SMIM35: variants seen among roughly 807,000 people sequenced by gnomAD.
The protein encoded by SMIM35 is TMPRSS4 antisense RNA 1 (non-protein coding).
intron 1 of SMIM35, among the ~76,000 whole-genome samples, chr11:118,037,233 G>T (rs1047850795): frequency 1.3e-5 from 2 of 152,194 alleles, no homozygotes; most frequent in Non-Finnish European, 2.9e-5. Context: ...GGATGCCTTC[G>T]ATGTCATTAA....
intron 1 of SMIM35, among the ~76,000 whole-genome samples, chr11:118,033,489 C>T (rs11822445): frequency 1.3e-5 from 2 of 152,016 alleles, no homozygotes; most frequent in Non-Finnish European, 2.9e-5. Context: ...TACAAACTGC[C>T]TTCTCTGTAT....
At chr11:118,057,457 G>A (rs1944331549) in intron 1 of SMIM35, among the ~76,000 whole-genome samples, 1 of 152,188 alleles carries the variant, frequency 6.6e-6, no homozygotes, top group Non-Finnish European at 1.5e-5. Context: ...TGTGGGGAAA[G>A]AACTGACCGT....
intron 1 of SMIM35, among the ~76,000 whole-genome samples, chr11:118,083,984 G>A (rs140411019): frequency 8.9e-4 from 135 of 152,274 alleles, no homozygotes; most frequent in African/African-American, 3.2e-3. Flanking sequence ...GTTGCAGTGA[G>A]CCGAGACAGC....
intron 1 of SMIM35, among the ~76,000 whole-genome samples, chr11:118,075,576 C>T (rs1271897812): frequency 6.6e-6 from 1 of 152,236 alleles, no homozygotes; most frequent in Non-Finnish European, 1.5e-5. Context: ...CCCGAAACTA[C>T]TTCATGTCCA....
At chr11:118,047,562 C>A (rs1944119251) in intron 1 of SMIM35, among the ~76,000 whole-genome samples, 1 of 152,148 alleles carries the variant, frequency 6.6e-6, no homozygotes, top group Non-Finnish European at 1.5e-5. Flanking sequence ...ACACCCACAG[C>A]CGGCCACAGC....
chr11:118,069,018 C>A (rs58480134), intron 1 of SMIM35, among the ~76,000 whole-genome samples: 6,122 of 152,280 alleles, frequency 0.04, 303 homozygotes, highest in African/African-American at 0.12. Context: ...TAACGGACCA[C>A]CATTGACTCA....
intron 1 of SMIM35, among the ~76,000 whole-genome samples, chr11:118,034,826 CCTT>C (rs2058346684): frequency 6.6e-6 from 1 of 152,230 alleles, no homozygotes; most frequent in Admixed American, 6.5e-5. Context: ...GAGCCAACCA[CCTT>C]ATTATAACAC....
chr11:118,074,583 C>T (rs936354247), intron 1 of SMIM35, among the ~76,000 whole-genome samples: 6 of 151,780 alleles, frequency 4.0e-5, no homozygotes, highest in African/African-American at 1.2e-4. Context: ...CCTGTATCTA[C>T]AAAAAATACA....
At chr11:118,085,348 C>T (rs553758568) in intron 1 of SMIM35, among the ~76,000 whole-genome samples, 3 of 151,772 alleles carry the variant, frequency 2.0e-5, no homozygotes, top group Non-Finnish European at 2.9e-5. Flanking sequence ...CTCAGCCTCC[C>T]GAGTAGCTGG....
At chr11:118,023,004 C>T (rs1259325500) in intron 1 of SMIM35, among the ~76,000 whole-genome samples, 2 of 151,100 alleles carry the variant, frequency 1.3e-5, no homozygotes, top group Non-Finnish European at 2.9e-5. Flanking sequence ...AAAACCAAGA[C>T]CCAAAAAGGT....
At chr11:118,080,479 C>G (rs904402251) in intron 1 of SMIM35, among the ~76,000 whole-genome samples, 2 of 152,162 alleles carry the variant, frequency 1.3e-5, no homozygotes, top group African/African-American at 4.8e-5. Context: ...CCAGCCTGAC[C>G]CTGGGGGTCA....
At chr11:118,048,898 T>G (rs1944156033) in intron 1 of SMIM35, among the ~76,000 whole-genome samples, 1 of 127,856 alleles carries the variant, frequency 7.8e-6, no homozygotes, top group African/African-American at 3.0e-5. Context: ...GCCCTTCAGC[T>G]TTCCTTCCTC....
At chr11:118,049,284 G>A (rs1051266210) in intron 1 of SMIM35, among the ~76,000 whole-genome samples, 6 of 151,114 alleles carry the variant, frequency 4.0e-5, no homozygotes, top group East Asian at 1.9e-4. Flanking sequence ...CCCCAGAACC[G>A]TCTGTGAGTG....
chr11:118,039,301 C>T (rs547885280), intron 1 of SMIM35, among the ~76,000 whole-genome samples: 15 of 152,218 alleles, frequency 9.9e-5, no homozygotes, highest in East Asian at 5.8e-4. Context: ...TGGTGGGAGA[C>T]GTATAACATT....
At chr11:118,006,959 T>C (rs909896849) in intron 4 of SMIM35, among the ~76,000 whole-genome samples, 8 of 152,216 alleles carry the variant, frequency 5.3e-5, no homozygotes, top group South Asian at 2.1e-4. Context: ...CAAACATTCA[T>C]TGAGCCTCTG....
At chr11:118,075,127 G>A (rs924393031) in intron 1 of SMIM35, among the ~76,000 whole-genome samples, 4 of 152,204 alleles carry the variant, frequency 2.6e-5, no homozygotes, top group African/African-American at 7.2e-5. Context: ...AACTGAAAAC[G>A]TGGCTCCCAG....
rs147077080 is a variant in SMIM35, at chr11:118,056,407, G to A, written c.7+30344C>T. Among the ~76,000 whole-genome samples the A allele has an allele frequency of 4.1e-3, 619 of 152,250 alleles. 3 individuals carry two copies. The highest frequency in any genetic ancestry group is 5.0e-3 in the Admixed American group (76 of 15,300). On this transcript the variant is annotated intron_variant, in intron 1 of 4. Coordinates refer to ENST00000689828, the MANE Select transcript of SMIM35 (RefSeq NM_001394165.1). Reference sequence around the variant, plus strand: ...AGAGGGGAGGCCTGGTGACTCCTGGGTGTTGATTAGGCAACAGGGTGGATG... The same window carrying A: ...AGAGGGGAGGCCTGGTGACTCCTGGATGTTGATTAGGCAACAGGGTGGATG...
intron 1 of SMIM35, among the ~76,000 whole-genome samples, chr11:118,068,435 A>C (rs1192035722): frequency 1.3e-5 from 2 of 152,172 alleles, no homozygotes; most frequent in Admixed American, 1.3e-4. Flanking sequence ...AGAGCTGCGG[A>C]CAGCGCCTTA....
chr11:118,023,045 C>T (rs1325051940), intron 1 of SMIM35, among the ~76,000 whole-genome samples: 2 of 151,704 alleles, frequency 1.3e-5, no homozygotes, highest in Non-Finnish European at 2.9e-5. Context: ...TAACTGCTTC[C>T]CAATATATTT....
Sources: gnomAD v4.1 joint callset for allele counts (sites outside exome capture counted in the v4.1 genomes callset) on GRCh38, gnomAD v4.1.1 for gene constraint, MANE v1.5 for transcripts, NCBI Gene and HGNC (gene_info 2026-07-23, HGNC 2026-07-21) for gene names.